The following SGCZ variants were observed in gnomAD, a reference collection of about 807,000 sequenced individuals.
SGCZ encodes the protein sarcoglycan zeta, also known as zeta-sarcoglycan.
Under a neutral mutation model 41.3 loss-of-function variants are expected in SGCZ, and 40 were observed. The observed-to-expected ratio is 0.97, with a 90% CI of 0.75 to 1.26. The LOEUF is 1.26. Ranked by LOEUF, SGCZ falls within the 50% of genes most tolerant of loss-of-function variation. The pLI is 0.00. For synonymous variants in SGCZ, 206 were observed against 137.5 expected, an observed-to-expected ratio of 1.50 and a Z score of -3.49; for missense variants, 552 against 369.8, an observed-to-expected ratio of 1.49 and a Z score of -4.04.
intron 1 of SGCZ, among the ~76,000 whole-genome samples, chr8:14,944,156 G>A (rs1585400276): frequency 2.0e-5 from 3 of 150,840 alleles, no homozygotes; most frequent in Admixed American, 2.0e-4. Flanking sequence ...GGCAGGGTGG[G>A]GCCTGCAGGC....
rs1308835063 is a variant in SGCZ, at chr8:14,800,091, G to C, written c.40-245165C>G. On this transcript the variant is annotated intron_variant, in intron 1 of 7. Transcript: ENST00000382080. ...CTCTACCTATAAAGAATATTCTTCA[G>C]GATTAAATCTCACCATTGAACCAGC... Among the ~76,000 whole-genome samples, 11 of 151,598 alleles carry C rather than the reference G, an allele frequency of 7.3e-5. No individual in the cohort carries two copies. In the East Asian group the frequency reaches 2.1e-3, roughly 30 times the overall value.
At chr8:14,237,725 T>C (rs372212204) in intron 3 of SGCZ, 46 bp from the exon 4 acceptor site, 311 of 1,553,460 alleles carry the variant, frequency 2.0e-4, no homozygotes, top group Non-Finnish European at 2.6e-4. Flanking sequence ...AGAAATATCG[T>C]CAAATTTACA....
chr8:15,099,797 A>G (rs1425976650), intron 1 of SGCZ, among the ~76,000 whole-genome samples: 1 of 152,216 alleles, frequency 6.6e-6, no homozygotes, highest in Non-Finnish European at 1.5e-5. Context: ...CTGGTTCAAC[A>G]TTGAAAAATA....
chr8:14,816,689 G>T (rs974211360), intron 1 of SGCZ, among the ~76,000 whole-genome samples: 4 of 152,082 alleles, frequency 2.6e-5, no homozygotes, highest in Admixed American at 2.0e-4. Context: ...GAATAATTTG[G>T]TAATACCGAA....
At chr8:14,334,310 G>A (rs17119072) in intron 2 of SGCZ, among the ~76,000 whole-genome samples, 7,573 of 152,042 alleles carry the variant, frequency 0.05, 412 homozygotes, top group East Asian at 0.26. Context: ...CAGCACTTCA[G>A]CAGATATTGA....
intron 1 of SGCZ, among the ~76,000 whole-genome samples, chr8:15,154,614 G>A (rs17655886): frequency 0.2 from 29,844 of 152,178 alleles, 3,493 homozygotes; most frequent in East Asian, 0.47. Flanking sequence ...CATATGCTCT[G>A]AGTTGTAAGT....
intron 1 of SGCZ, among the ~76,000 whole-genome samples, chr8:14,857,656 G>A (rs1803588532): frequency 6.6e-6 from 1 of 152,112 alleles, no homozygotes; most frequent in Non-Finnish European, 1.5e-5. Context: ...TTGAGGTCAG[G>A]AGTTTGAGAC....
intron 1 of SGCZ, among the ~76,000 whole-genome samples, chr8:14,747,872 C>T (rs1404426884): frequency 7.3e-6 from 1 of 136,904 alleles, no homozygotes; most frequent in East Asian, 2.1e-4. Flanking sequence ...ACCACCACAA[C>T]TGACTAATTT....
chr8:15,234,672 T>C (rs1172400488), intron 1 of SGCZ, among the ~76,000 whole-genome samples: 2 of 152,212 alleles, frequency 1.3e-5, no homozygotes, highest in African/African-American at 4.8e-5. Context: ...TTAGAGCTTA[T>C]CTTTAGTTTA....
intron 2 of SGCZ, among the ~76,000 whole-genome samples, chr8:14,413,618 A>G (rs1799418790): frequency 6.6e-6 from 1 of 152,004 alleles, no homozygotes; most frequent in African/African-American, 2.4e-5. Flanking sequence ...GATAATGTTT[A>G]TATCTTAGAT....
At chr8:14,946,576 C>A (rs191965275) in intron 1 of SGCZ, among the ~76,000 whole-genome samples, 1 of 152,034 alleles carries the variant, frequency 6.6e-6, no homozygotes. Flanking sequence ...GAGCGCCTGG[C>A]ACAATGTATG....
chr8:15,180,394 A>G (rs1343108669), intron 1 of SGCZ, among the ~76,000 whole-genome samples: 1 of 152,192 alleles, frequency 6.6e-6, no homozygotes, highest in East Asian at 1.9e-4. Context: ...ACAAAATATT[A>G]CTTGCCATAT....
At chr8:14,383,153 C>T (rs1804433371) in intron 2 of SGCZ, among the ~76,000 whole-genome samples, 2 of 152,290 alleles carry the variant, frequency 1.3e-5, no homozygotes, top group South Asian at 2.1e-4. Flanking sequence ...TATCAGAAGG[C>T]TATGCTATAA....
intron 1 of SGCZ, among the ~76,000 whole-genome samples, chr8:14,564,247 C>G (rs1259364338): frequency 6.6e-6 from 1 of 152,152 alleles, no homozygotes; most frequent in African/African-American, 2.4e-5. Context: ...TCTTCAGTTC[C>G]TTACTGGGAG....
At chr8:14,826,237 T>C (rs1324954068) in intron 1 of SGCZ, among the ~76,000 whole-genome samples, 1 of 152,172 alleles carries the variant, frequency 6.6e-6, no homozygotes, top group East Asian at 1.9e-4. Context: ...TCCAGCTTCA[T>C]CCATGTCCCT....
intron 4 of SGCZ, among the ~76,000 whole-genome samples, chr8:14,192,420 T>G (rs1045604664): frequency 2.0e-5 from 3 of 151,918 alleles, no homozygotes; most frequent in Non-Finnish European, 4.4e-5. Flanking sequence ...TAACTAGATC[T>G]CTAGTGTTTT....
intron 7 of SGCZ, among the ~76,000 whole-genome samples, chr8:14,098,516 C>T (rs142694995): frequency 6.6e-6 from 1 of 152,142 alleles, no homozygotes; most frequent in East Asian, 1.9e-4. Flanking sequence ...TAGTTCAGTC[C>T]CTTTTCCTTA....
intron 1 of SGCZ, among the ~76,000 whole-genome samples, chr8:15,123,802 CT>C (rs1486757948): frequency 3.3e-5 from 5 of 152,320 alleles, no homozygotes; most frequent in Admixed American, 2.6e-4. Flanking sequence ...CGTAAGTACA[CT>C]GAAACAACAT....
chr8:15,155,222 G>A (rs1799294918), intron 1 of SGCZ, among the ~76,000 whole-genome samples: 1 of 152,150 alleles, frequency 6.6e-6, no homozygotes, highest in African/African-American at 2.4e-5. Context: ...TTGAGCCCGG[G>A]AGGCAGAGGT....
Sources: allele counts gnomAD v4.1 joint callset (sites outside exome capture counted in the v4.1 genomes callset), GRCh38; gene constraint gnomAD v4.1.1; transcripts MANE v1.5; gene names NCBI Gene and HGNC (gene_info 2026-07-23, HGNC 2026-07-21).